Variants in CERS1 observed in about 807,000 individuals in gnomAD.
The protein encoded by CERS1 is Embryonic growth/differentiation factor 1.
CERS1 carries 16 observed loss-of-function variants against 35.7 expected under a neutral mutation model. The observed-to-expected ratio is 0.45, with a 90% CI of 0.30 to 0.68. The LOEUF (loss-of-function observed/expected upper bound fraction) is 0.68, where lower values mean the gene tolerates loss of function less well. Among genes scored for constraint, CERS1 ranks in the 30% least tolerant of loss-of-function variants. CERS1 has a pLI of 0.08. For missense variants in CERS1, 454 were observed against 453.9 expected, an observed-to-expected ratio of 1.00 and a Z score of 0.00; for synonymous variants, 243 against 201.6, an observed-to-expected ratio of 1.21 and a Z score of -1.74.
chr19:18,892,619 A>C (rs2056519363), intron 2 of CERS1, among the ~76,000 whole-genome samples: 1 of 152,024 alleles, frequency 6.6e-6, no homozygotes, highest in Non-Finnish European at 1.5e-5. Flanking sequence ...ATCTCAAAAA[A>C]AGAAAAACAA....
At chr19:18,892,237 G>A (rs2056508002) in intron 2 of CERS1, among the ~76,000 whole-genome samples, 2 of 151,546 alleles carry the variant, frequency 1.3e-5, no homozygotes, top group South Asian at 2.1e-4. Flanking sequence ...TGCAAGCCGA[G>A]GGGACCCTCC....
In CERS1 at chr19:18,878,152, C is replaced by G; in HGVS notation, c.1010+778G>C. On this transcript the variant is annotated intron_variant, in intron 6 of 7. Coordinates refer to ENST00000623882, the MANE Select transcript of CERS1 (RefSeq NM_021267.5). The surrounding 1 kb of genome is among the most constrained non-coding windows in gnomAD (Gnocchi z 4.6). ...GGCCCCCACCGGCCAAATCAGAGGGCCTGGCTGGTCGGCACCTTCCAGGGC... is the reference window on the plus strand; with the variant it reads ...GGCCCCCACCGGCCAAATCAGAGGGGCTGGCTGGTCGGCACCTTCCAGGGC... The G allele has an allele frequency of 5.1e-6, 5 of 985,558 alleles. No individual in the cohort carries two copies. The highest frequency in any genetic ancestry group is 6.0e-6 in the Non-Finnish European group (5 of 830,046). The allele number at this position is 985,558 out of a possible 1,614,324, so 61.1% of individuals were successfully genotyped here.
In CERS1 at chr19:18,890,783, G is replaced by GAAA. The variant is rs35488506; in HGVS notation, c.409+2630_409+2632dup. Among the ~76,000 whole-genome samples the GAAA allele has an allele frequency of 4.5e-3, 444 of 99,624 alleles. 5 individuals carry two copies. The highest frequency in any genetic ancestry group is 5.9e-3 in the Admixed American group (51 of 8,592). The allele number at this position is 99,624 out of a possible 152,430, so 65.4% of individuals were successfully genotyped here. Reference sequence around the variant, plus strand: ...GCAACAGAGTAAGACCGCGTCTGGGGAAAAAAAAAAAAAAAAAAAAGCAGC... The same window carrying GAAA: ...GCAACAGAGTAAGACCGCGTCTGGGGAAAAAAAAAAAAAAAAAAAAAAAGCAGC... On this transcript the variant is annotated intron_variant, in intron 2 of 7. Coordinates refer to ENST00000623882, the MANE Select transcript of CERS1 (RefSeq NM_021267.5).
Position 18,870,005 on chromosome 19 carries a change from G to A in CERS1, c.*572C>T, listed in dbSNP as rs751137635. 29 of 1,596,228 alleles carry A rather than the reference G, an allele frequency of 1.8e-5. No homozygotes were observed. The highest frequency in any genetic ancestry group is 2.3e-5 in the Non-Finnish European group (27 of 1,173,206). On this transcript the variant is annotated 3_prime_UTR_variant, in exon 7 of 8. Coordinates refer to ENST00000623882, the MANE Select transcript of CERS1 (RefSeq NM_021267.5). The surrounding 1 kb of genome is among the most constrained non-coding windows in gnomAD (Gnocchi z 5.1). ...CACCGCGGTCCGGGATGTGGCGCAC[G>A]ATGTTTCCGGCGACCCCCAGCTCCT...
In CERS1 at chr19:18,886,406, G is replaced by A. The variant is rs1238426472; in HGVS notation, c.410-2139C>T. ...CTACTAAAAATACAAAAAATTAGCC[G>A]GGTGTGGTGGTGGGCGCCTGTGGTC... On this transcript the variant is annotated intron_variant, in intron 2 of 7. Transcript: ENST00000623882. Among the ~76,000 whole-genome samples, 5 of 152,128 alleles carry A rather than the reference G, an allele frequency of 3.3e-5. No individual in the cohort carries two copies. In the South Asian group the frequency reaches 6.2e-4, roughly 19 times the overall value.
intron 3 of CERS1, among the ~76,000 whole-genome samples, chr19:18,881,377 C>T (rs1386140202): frequency 1.3e-5 from 2 of 151,946 alleles, no homozygotes; most frequent in East Asian, 1.9e-4. Flanking sequence ...TGTGCCACCA[C>T]GCCCAGTTAA....
chr19:18,893,831 T>C (rs1350397213), intron 1 of CERS1, among the ~76,000 whole-genome samples: 1 of 150,122 alleles, frequency 6.7e-6, no homozygotes, highest in Non-Finnish European at 1.5e-5. Context: ...GCAGGAGGGC[T>C]CTGGGGGCCA....
intron 6 of CERS1, among the ~76,000 whole-genome samples, chr19:18,874,685 G>A (rs748831347): frequency 2.3e-4 from 35 of 152,218 alleles, no homozygotes; most frequent in South Asian, 4.1e-4. Flanking sequence ...AGCTACGGGC[G>A]TCAGTGTAGG....
chr19:18,885,511 G>GTTTTTTTTTTT (rs59793456), intron 2 of CERS1, among the ~76,000 whole-genome samples: 1 of 22,128 alleles, frequency 4.5e-5, no homozygotes, highest in African/African-American at 1.1e-4. Flanking sequence ...GCCCCTTCTC[G>GTTTTTTTTTTT]TTTTTTTTTT....
intron 6 of CERS1, among the ~76,000 whole-genome samples, chr19:18,875,507 C>T (rs1601155870): frequency 6.6e-6 from 1 of 150,568 alleles, no homozygotes; most frequent in African/African-American, 2.5e-5. Flanking sequence ...CACACCACTG[C>T]ACTCCAGCCT....
chr19:18,890,014 C>T (rs927508801), intron 2 of CERS1, among the ~76,000 whole-genome samples: 1 of 152,228 alleles, frequency 6.6e-6, no homozygotes, highest in Non-Finnish European at 1.5e-5. Flanking sequence ...CTCCTGCTGT[C>T]AGCCCCCTCC....
chr19:18,870,295 G>T lies in CERS1; in HGVS notation c.*282C>A. 6.5e-7 allele frequency: 1 copy of T among 1,546,678 alleles called. No individual in the cohort carries two copies. On this transcript the variant is annotated 3_prime_UTR_variant, in exon 7 of 8. Coordinates refer to ENST00000623882, the MANE Select transcript of CERS1 (RefSeq NM_021267.5). The surrounding 1 kb of genome is among the most constrained non-coding windows in gnomAD (Gnocchi z 5.1). ...AGGTGGTGGCCGCAGGGACCTTGCT[G>T]CGGCGGTGGCATCTTCCTCCCAGGC...
At chr19:18,894,466 G>A (rs1196510120) in intron 1 of CERS1, among the ~76,000 whole-genome samples, 1 of 152,150 alleles carries the variant, frequency 6.6e-6, no homozygotes, top group Non-Finnish European at 1.5e-5. Flanking sequence ...ACCCATTTCT[G>A]AGGAAGGGCG....
chr19:18,890,424 C>T (rs2056461679), intron 2 of CERS1, among the ~76,000 whole-genome samples: 1 of 152,232 alleles, frequency 6.6e-6, no homozygotes, highest in Non-Finnish European at 1.5e-5. Flanking sequence ...CTGTGGCATA[C>T]AGTAGTCGCT....
rs1349595855 is a variant in CERS1 at position 18,868,712 on chromosome 19, G to A, written c.*1273C>T. On this transcript the variant is annotated 3_prime_UTR_variant, in exon 8 of 8. Coordinates refer to ENST00000623882, the MANE Select transcript of CERS1 (RefSeq NM_021267.5). ...CGACAGGCGCGCGGGCACGCAGCAG[G>A]GCAGGTCGGCGGCTCCCGGGGCGGC... is the stretch of plus-strand genomic sequence containing the variant. 8.4e-6 allele frequency: 13 copies of A among 1,547,364 alleles called. No homozygotes were observed. Among genetic ancestry groups the A allele is most frequent in the Non-Finnish European group, 1.1e-5 (13 of 1,144,590 alleles).
At chr19:18,879,469 C>G in intron 4 of CERS1, 81 bp from the exon 5 acceptor site, 1 of 1,484,048 alleles carries the variant, frequency 6.7e-7, no homozygotes, top group South Asian at 1.3e-5. Context: ...GTCCTAGACC[C>G]ACCCTTGCCC....
chr19:18,887,953 T>C (rs1436794319), intron 2 of CERS1, among the ~76,000 whole-genome samples: 1 of 152,112 alleles, frequency 6.6e-6, no homozygotes, highest in Non-Finnish European at 1.5e-5. Context: ...TCCCACTTTC[T>C]GTCTCTATGA....
intron 7 of CERS1, 71 bp from the exon 8 acceptor site, chr19:18,869,461 CAG>C: frequency 6.7e-7 from 1 of 1,497,068 alleles, no homozygotes; most frequent in South Asian, 1.2e-5. Flanking sequence ...CGGTTAGGGA[CAG>C]GGAGGAAGGT....
At position 18,870,401 on chromosome 19, in the gene CERS1, G is replaced by A. The variant is rs2055947094; in HGVS notation, c.*176C>T. 1.1e-5 allele frequency: 15 copies of A among 1,356,870 alleles called. No individual in the cohort carries two copies. The highest frequency in any genetic ancestry group is 1.5e-5 in the Non-Finnish European group (15 of 990,548). The allele number at this position is 1,356,870 out of a possible 1,614,324, so 84.1% of individuals were successfully genotyped here. On this transcript the variant is annotated 3_prime_UTR_variant, in exon 7 of 8. Transcript: ENST00000623882. This position sits in a 1 kb window ranked among gnomAD's most constrained non-coding sequence, Gnocchi z 5.1. ...GGGGCCGGTGTCCCCGGAGGGGCAG[G>A]GGTCCTGGGGGGCGTGGCCGGGAAC...
Sources: gnomAD v4.1 joint callset for allele counts (sites outside exome capture counted in the v4.1 genomes callset) on GRCh38, gnomAD v4.1.1 for gene constraint, Gnocchi (gnomAD v3.1) non-coding constraint, MANE v1.5 for transcripts, NCBI Gene and HGNC (gene_info 2026-07-23, HGNC 2026-07-21) for gene names.